The following PCDH15 variants were observed in gnomAD, a reference collection of about 807,000 sequenced individuals.
PCDH15 encodes protocadherin-15.
PCDH15 carries 129 observed loss-of-function variants against 178.5 expected under a neutral mutation model. The observed-to-expected ratio is 0.72, with a 90% CI of 0.63 to 0.84. The LOEUF is 0.84. Ranked by LOEUF, PCDH15 falls within the 40% of genes least tolerant of loss-of-function variation. The probability of loss-of-function intolerance (pLI) is 0.00; values close to 1 mark genes in which losing one functional copy is unlikely to be tolerated. For synonymous variants in PCDH15, 800 were observed against 732.0 expected, an observed-to-expected ratio of 1.09 and a Z score of -1.50; for missense variants, 2,230 against 2,099.9, an observed-to-expected ratio of 1.06 and a Z score of -1.21.
At chr10:54,240,626 CTTTTTTTTTTT>C (rs1228784141) in intron 8 of PCDH15, among the ~76,000 whole-genome samples, 1 of 79,686 alleles carries the variant, frequency 1.3e-5, no homozygotes, top group African/African-American at 4.8e-5. Context: ...TTTTCTTTTG[CTTTTTTTTTTT>C]TTTTTTTTTT....
chr10:55,091,852 C>T (rs1385366431), intron 2 of PCDH15, among the ~76,000 whole-genome samples: 1 of 151,758 alleles, frequency 6.6e-6, no homozygotes, highest in African/African-American at 2.4e-5. Context: ...AAAAAACAAA[C>T]AAACAAAAAA....
At chr10:54,364,145 G>A (rs957440967) in intron 5 of PCDH15, among the ~76,000 whole-genome samples, 1 of 151,388 alleles carries the variant, frequency 6.6e-6, no homozygotes, top group Non-Finnish European at 1.5e-5. Flanking sequence ...CCTGGAGGCA[G>A]AGGTTGTGCT....
intron 2 of PCDH15, among the ~76,000 whole-genome samples, chr10:54,544,832 T>A (rs11004371): frequency 0.15 from 23,115 of 152,190 alleles, 2,268 homozygotes; most frequent in East Asian, 0.35. Context: ...CAGCATTTTA[T>A]TATATCTCTC....
intron 2 of PCDH15, among the ~76,000 whole-genome samples, chr10:54,574,898 C>T (rs1308176611): frequency 6.9e-6 from 1 of 145,922 alleles, no homozygotes; most frequent in Non-Finnish European, 1.5e-5. Context: ...TTGGAACCAA[C>T]CCAAATGTCC....
chr10:54,973,818 C>T (rs1838994933), intron 2 of PCDH15, among the ~76,000 whole-genome samples: 1 of 152,074 alleles, frequency 6.6e-6, no homozygotes. Flanking sequence ...TAAACATATA[C>T]ACAATACACA....
chr10:54,576,765 A>C (rs2090516749), intron 2 of PCDH15, among the ~76,000 whole-genome samples: 1 of 152,306 alleles, frequency 6.6e-6, no homozygotes, highest in South Asian at 2.1e-4. Context: ...ACAGTGTAGT[A>C]ATACATCAGA....
rs1284816326 is a variant in PCDH15 at position 55,535,683 on chromosome 10, G to C, written c.-156+91942C>G. 2.6e-5 allele frequency among the ~76,000 whole-genome samples: 4 copies of C among 152,012 alleles called. No individual in the cohort carries two copies. The East Asian group carries it at 5.8e-4, about 22-fold the overall frequency. ...AAGCAAAAGCAGATATATTGTTCTA[G>C]AGAATTAAATACTCCTTAGTAGGAC... is the stretch of plus-strand genomic sequence containing the variant. On this transcript the variant is annotated intron_variant, in intron 2 of 5. Transcript: ENST00000613346.
At chr10:53,913,968 C>G (rs2083338244) in intron 25 of PCDH15, among the ~76,000 whole-genome samples, 1 of 151,406 alleles carries the variant, frequency 6.6e-6, no homozygotes, top group Non-Finnish European at 1.5e-5. Flanking sequence ...TGAACAGACA[C>G]TTTTCAAAAG....
chr10:54,894,088 C>T (rs565792987), intron 3 of PCDH15, among the ~76,000 whole-genome samples: 86 of 152,140 alleles, frequency 5.7e-4, no homozygotes, highest in African/African-American at 1.9e-3. Context: ...GATCATTTTA[C>T]TTATTTGAAT....
At chr10:55,435,682 T>C (rs1460116831) in intron 2 of PCDH15, among the ~76,000 whole-genome samples, 9 of 152,014 alleles carry the variant, frequency 5.9e-5, no homozygotes, top group Non-Finnish European at 1.0e-4. Flanking sequence ...CCAGGGTAAC[T>C]TACAATGAGA....
intron 27 of PCDH15, 87 bp downstream of exon 27, chr10:53,866,555 T>C: frequency 2.0e-6 from 2 of 992,452 alleles, no homozygotes; most frequent in East Asian, 5.0e-5. Context: ...CCGTTTTAAA[T>C]TAATCTTAGA....
At chr10:54,068,462 T>A (rs1051114249) in intron 17 of PCDH15, among the ~76,000 whole-genome samples, 1 of 152,162 alleles carries the variant, frequency 6.6e-6, no homozygotes, top group African/African-American at 2.4e-5. Flanking sequence ...AACCCAAATG[T>A]CCATCGATAG....
At chr10:54,494,171 G>T (rs2079890758) in intron 3 of PCDH15, among the ~76,000 whole-genome samples, 1 of 151,568 alleles carries the variant, frequency 6.6e-6, no homozygotes, top group African/African-American at 2.4e-5. Context: ...CACCAGCATG[G>T]CACATGTATA....
chr10:55,514,295 A>G (rs973308853), intron 2 of PCDH15, among the ~76,000 whole-genome samples: 1 of 152,138 alleles, frequency 6.6e-6, no homozygotes, highest in Non-Finnish European at 1.5e-5. Flanking sequence ...AGTTTTTGTT[A>G]AGTGGTTTCA....
intron 2 of PCDH15, among the ~76,000 whole-genome samples, chr10:55,045,078 A>G (rs1423988167): frequency 6.6e-6 from 1 of 152,084 alleles, no homozygotes; most frequent in Admixed American, 6.6e-5. Context: ...GCATTTCTCT[A>G]TTAGATGCAA....
At chr10:53,915,501 A>C (rs928453570) in intron 25 of PCDH15, among the ~76,000 whole-genome samples, 1 of 152,190 alleles carries the variant, frequency 6.6e-6, no homozygotes, top group Non-Finnish European at 1.5e-5. Context: ...TGTTTGGCTG[A>C]TAGGTTAATA....
At chr10:55,564,673 T>A (rs1336192652) in intron 2 of PCDH15, among the ~76,000 whole-genome samples, 2 of 151,594 alleles carry the variant, frequency 1.3e-5, no homozygotes, top group Non-Finnish European at 3.0e-5. Flanking sequence ...AAAAAGACGC[T>A]CCATGTAAAC....
chr10:54,991,766 G>A (rs1289195270), intron 2 of PCDH15, among the ~76,000 whole-genome samples: 1 of 152,080 alleles, frequency 6.6e-6, no homozygotes, highest in Non-Finnish European at 1.5e-5. Context: ...TTTATCAGTG[G>A]AGCTGAAAAT....
chr10:55,291,364 C>T (rs1177917386), intron 1 of PCDH15, among the ~76,000 whole-genome samples: 2 of 152,160 alleles, frequency 1.3e-5, no homozygotes, highest in Admixed American at 1.3e-4. Context: ...AGTCTTTATT[C>T]ACAGCTTGTT....
Sources: gnomAD v4.1 joint callset for allele counts (sites outside exome capture counted in the v4.1 genomes callset) on GRCh38, gnomAD v4.1.1 for gene constraint, MANE v1.5 for transcripts, NCBI Gene and HGNC (gene_info 2026-07-23, HGNC 2026-07-21) for gene names.